PAG1: variants seen among roughly 807,000 people sequenced by gnomAD.
PAG1 encodes phosphoprotein associated with glycosphingolipid-enriched microdomains 1.
Under a neutral mutation model 31.7 loss-of-function variants are expected in PAG1, and 23 were observed. That is an observed-to-expected ratio of 0.73 (90% CI 0.52 to 1.03). PAG1 has a LOEUF of 1.03. Ranked by LOEUF, PAG1 falls within the 50% of genes least tolerant of loss-of-function variation. The pLI, the probability that PAG1 is intolerant of heterozygous loss-of-function variation, is 0.00. For synonymous variants in PAG1, 214 were observed against 210.3 expected (o/e 1.02, Z -0.15); for missense variants, 473 against 540.7 (o/e 0.87, Z 1.24).
chr8:81,047,660 A>G (rs570263883), intron 2 of PAG1, among the ~76,000 whole-genome samples: 1 of 152,336 alleles, frequency 6.6e-6, no homozygotes, highest in African/African-American at 2.4e-5. Context: ...AATTTTAAAA[A>G]CTATCTCAGA....
intron 3 of PAG1, among the ~76,000 whole-genome samples, chr8:81,027,344 A>G (rs529742732): frequency 1.6e-4 from 24 of 152,324 alleles, no homozygotes; most frequent in Admixed American, 1.4e-3. Context: ...TGCATCATCA[A>G]AAAGATTGTC....
Position 81,087,341 on chromosome 8 carries a change from CAA to C in PAG1, c.-233-17173_-233-17172del, listed in dbSNP as rs34830995. Reference sequence around the variant, plus strand: ...CTGGGCAACAGATGAGACTCTGTCTCAAAAAAAAAAAAAAAAAAAGAATTTTA... The same window carrying C: ...CTGGGCAACAGATGAGACTCTGTCTCAAAAAAAAAAAAAAAAAGAATTTTA... On this transcript the variant is annotated intron_variant, in intron 1 of 8. Coordinates refer to ENST00000220597, the MANE Select transcript of PAG1 (RefSeq NM_018440.4). Among the ~76,000 whole-genome samples, 815 of 98,266 alleles carry C rather than the reference CAA, an allele frequency of 8.3e-3. 5 individuals are homozygous for C. Among genetic ancestry groups the C allele is most frequent in the Admixed American group, 0.019 (180 of 9,488 alleles). The allele number at this position is 98,266 out of a possible 152,430, so 64.5% of individuals were successfully genotyped here.
intron 1 of PAG1, among the ~76,000 whole-genome samples, chr8:81,086,931 A>C (rs1377315108): frequency 6.6e-6 from 1 of 152,254 alleles, no homozygotes; most frequent in Non-Finnish European, 1.5e-5. Context: ...TTTAAAATGT[A>C]CATGTCCATG....
intron 1 of PAG1, among the ~76,000 whole-genome samples, chr8:81,078,804 G>C (rs1188218938): frequency 6.6e-6 from 1 of 152,146 alleles, no homozygotes; most frequent in African/African-American, 2.4e-5. Context: ...TTTTACACAT[G>C]AGGAAACTGA....
chr8:81,103,719 A>C (rs1375614414), intron 1 of PAG1, among the ~76,000 whole-genome samples: 1 of 152,236 alleles, frequency 6.6e-6, no homozygotes, highest in Non-Finnish European at 1.5e-5. Flanking sequence ...GCATTGGCTC[A>C]AAGGTCCAAA....
intron 3 of PAG1, among the ~76,000 whole-genome samples, chr8:81,028,498 A>G (rs1359035834): frequency 3.9e-5 from 6 of 152,210 alleles, no homozygotes; most frequent in Non-Finnish European, 8.8e-5. Context: ...AAGTATTTCT[A>G]AACTTTCATG....
intron 3 of PAG1, among the ~76,000 whole-genome samples, chr8:81,006,608 A>G (rs1474266550): frequency 6.6e-6 from 1 of 152,226 alleles, no homozygotes; most frequent in African/African-American, 2.4e-5. Context: ...GACCTCATGC[A>G]CCAAAAAGAA....
chr8:81,025,734 A>T (rs1390606983), intron 3 of PAG1, among the ~76,000 whole-genome samples: 8 of 152,184 alleles, frequency 5.3e-5, no homozygotes, highest in African/African-American at 1.9e-4. Context: ...CCACAGGAGG[A>T]GGTGCCTGGA....
intron 1 of PAG1, among the ~76,000 whole-genome samples, chr8:81,076,555 AAAC>A (rs1809181357): frequency 6.6e-6 from 1 of 152,218 alleles, no homozygotes; most frequent in African/African-American, 2.4e-5. Flanking sequence ...AAAACAAAGC[AAAC>A]AACAACATTA....
chr8:81,098,761 A>G (rs1809565939), intron 1 of PAG1, among the ~76,000 whole-genome samples: 1 of 152,212 alleles, frequency 6.6e-6, no homozygotes, highest in African/African-American at 2.4e-5. Context: ...GTGAACAGCT[A>G]ATTTGGCATT....
rs937799380 is a variant in PAG1 at position 80,973,899 on chromosome 8, C to A, written c.*2645G>T. The A allele has an allele frequency of 6.6e-6, 1 of 152,214 alleles. No homozygotes were observed. The highest frequency in any genetic ancestry group is 2.4e-5 in the African/African-American group (1 of 41,448). The allele number at this position is 152,214 out of a possible 1,614,324, so 9.4% of individuals were successfully genotyped here. A position where few individuals can be genotyped will look rare whatever the true frequency, so the allele number is the denominator to read the frequency against. ...TTCTAAGGTTCACTCTGCTTCTCTC[C>A]CCCAGCCCTCATGGCCTGTGCTACC... On this transcript the variant is annotated 3_prime_UTR_variant, in exon 9 of 9. Coordinates refer to ENST00000220597, the MANE Select transcript of PAG1 (RefSeq NM_018440.4).
chr8:81,028,934 C>T (rs1808330689), intron 3 of PAG1, among the ~76,000 whole-genome samples: 1 of 152,224 alleles, frequency 6.6e-6, no homozygotes, highest in African/African-American at 2.4e-5. Context: ...GGACTCTCCC[C>T]TGGCCAATCT....
chr8:81,008,998 TCAG>T (rs1807934380), intron 3 of PAG1, among the ~76,000 whole-genome samples: 2 of 152,228 alleles, frequency 1.3e-5, no homozygotes, highest in African/African-American at 2.4e-5. Flanking sequence ...ATTTTACTTC[TCAG>T]AAGAAGGTTT....
At chr8:81,092,369 G>A (rs933907913) in intron 1 of PAG1, among the ~76,000 whole-genome samples, 1 of 152,108 alleles carries the variant, frequency 6.6e-6, no homozygotes, top group Non-Finnish European at 1.5e-5. Context: ...AGGTGACAAA[G>A]CAAGACTCTG....
intron 3 of PAG1, among the ~76,000 whole-genome samples, chr8:81,022,604 CAAT>C (rs1808209092): frequency 6.6e-6 from 1 of 152,016 alleles, no homozygotes; most frequent in African/African-American, 2.4e-5. Context: ...TTTCATTTCA[CAAT>C]AATGCCCATA....
chr8:81,064,979 G>A (rs1438847232), intron 2 of PAG1, among the ~76,000 whole-genome samples: 1 of 152,194 alleles, frequency 6.6e-6, no homozygotes, highest in African/African-American at 2.4e-5. Context: ...TCAGTGGAGA[G>A]GAAACAGCAG....
rs567603086 is a variant in PAG1 at position 81,079,391 on chromosome 8, C to T, written c.-233-9221G>A. On this transcript the variant is annotated intron_variant, in intron 1 of 8. Transcript: ENST00000220597. ...AATTTGCAGGACTATTATCCTCAGA[C>T]AATATTGAATTACTTAGGAGTTCAG... Among the ~76,000 whole-genome samples, 255 of 152,258 alleles carry T rather than the reference C, an allele frequency of 1.7e-3. 3 individuals carry two copies. Among genetic ancestry groups the T allele is most frequent in the South Asian group, 0.016 (77 of 4,820 alleles).
Position 81,012,319 on chromosome 8 carries a change from C to A in PAG1, c.-81+17677G>T, listed in dbSNP as rs139177885. ...GTTTGGTCTAGACTAGCACTTTAAG[C>A]CATATTGATAACACACTCTGCCAGC... On this transcript the variant is annotated intron_variant, in intron 3 of 8. Coordinates refer to ENST00000220597, the MANE Select transcript of PAG1 (RefSeq NM_018440.4). 2.7e-3 allele frequency among the ~76,000 whole-genome samples: 414 copies of A among 152,312 alleles called. 2 individuals carry two copies. The highest frequency in any genetic ancestry group is 0.02 in the Middle Eastern group (6 of 294).
chr8:81,082,938 A>G (rs1321728059), intron 1 of PAG1, among the ~76,000 whole-genome samples: 1 of 149,448 alleles, frequency 6.7e-6, no homozygotes, highest in Non-Finnish European at 1.5e-5. Context: ...TCAGTGTGAG[A>G]TCTTCCTGGT....
Sources: allele counts gnomAD v4.1 joint callset (sites outside exome capture counted in the v4.1 genomes callset), GRCh38; gene constraint gnomAD v4.1.1; transcripts MANE v1.5; gene names NCBI Gene and HGNC (gene_info 2026-07-23, HGNC 2026-07-21).